F7: variants seen among roughly 807,000 people sequenced by gnomAD.
The protein encoded by F7 is coagulation factor VII, also known as FVII coagulation protein.
F7 carries 38 observed loss-of-function variants against 47.5 expected under a neutral mutation model. That is an observed-to-expected ratio of 0.80 (90% confidence interval 0.62 to 1.05). The LOEUF (loss-of-function observed/expected upper bound fraction) is 1.05, where lower values mean the gene tolerates loss of function less well. Ranked by LOEUF, F7 falls within the 50% of genes least tolerant of loss-of-function variation. The pLI is 0.00. For missense variants in F7, 575 were observed against 605.4 expected (o/e 0.95, Z 0.53); for synonymous variants, 244 against 258.5 (o/e 0.94, Z 0.54).
intron 1 of F7, among the ~76,000 whole-genome samples, chr13:113,109,480 C>T (rs1343511857): frequency 6.6e-6 from 1 of 152,176 alleles, no homozygotes; most frequent in African/African-American, 2.4e-5. Flanking sequence ...AGGCAGTGGC[C>T]TTTCTCTCGG....
Position 113,119,717 on chromosome 13 carries a change from ACAC to A in F7, c.*712_*714del, listed in dbSNP as rs2142237461. On this transcript the variant is annotated 3_prime_UTR_variant, in exon 8 of 8. Coordinates refer to ENST00000346342, the MANE Select transcript of F7 (RefSeq NM_019616.4). ...TGCACACACATGGATGAGCACACACACACCAATGCGCACACACACCGATGTACA... is the reference window on the plus strand; with the variant it reads ...TGCACACACATGGATGAGCACACACACAATGCGCACACACACCGATGTACA... 6.5e-6 allele frequency: 1 copy of A among 153,542 alleles called. No homozygotes were observed. The highest frequency in any genetic ancestry group is 2.4e-5 in the African/African-American group (1 of 41,492). 9.5% of individuals were successfully genotyped at this position (153,542 alleles called of 1,614,324 possible). A position where few individuals can be genotyped will look rare whatever the true frequency, so the allele number is the denominator to read the frequency against.
rs771676411 is a variant in F7, at chr13:113,110,805, C to T, written c.180C>T (p.Cys60=). 33 of 1,557,710 alleles carry T rather than the reference C, an allele frequency of 2.1e-5. No homozygotes were observed. Among genetic ancestry groups the T allele is most frequent in the South Asian group, 9.5e-5 (8 of 84,488 alleles). ...SLERECKEEQ[C]SFEEAREIFK... ...AGAGGGAGTGCAAGGAGGAGCAGTGCTCCTTCGAGGAGGCCCGGGAGATCT... is the reference window on the plus strand; with the variant it reads ...AGAGGGAGTGCAAGGAGGAGCAGTGTTCCTTCGAGGAGGCCCGGGAGATCT... Residue 60 remains cysteine, a synonymous_variant, in exon 2 of 8, where the codon TGC becomes TGT. Coordinates refer to ENST00000346342, the MANE Select transcript of F7 (RefSeq NM_019616.4).
chr13:113,106,581 A>G (rs56212959), intron 1 of F7, among the ~76,000 whole-genome samples: 1 of 108 alleles, frequency 9.3e-3, no homozygotes, highest in Admixed American at 0.071. Flanking sequence ...GGTGTGGGGG[A>G]TGGGGCATGG....
chr13:113,114,050 C>G, intron 4 of F7, 90 bp downstream of exon 4: 1 of 1,410,062 alleles, frequency 7.1e-7, no homozygotes, highest in Non-Finnish European at 9.9e-7. Flanking sequence ...GGTGCACAAC[C>G]TGGTGGGGTG....
chr13:113,118,321 C>A, intron 7 of F7, 92 bp from the exon 8 acceptor site: 1 of 1,385,012 alleles, frequency 7.2e-7, no homozygotes. Context: ...GCAGCCCCTG[C>A]AGACCTAGAA....
rs779198014 is a variant in F7, at chr13:113,118,437, A to G, written c.764A>G (p.Asp255Gly). 6.9e-6 allele frequency: 11 copies of G among 1,602,792 alleles called. No homozygotes were observed. The highest frequency in any genetic ancestry group is 1.7e-4 in the Middle Eastern group (1 of 6,046). The part of the protein sequence containing the change: ...VLGEHDLSEH[D>G]GDEQSRRVAQ... ...GGCGAGCACGACCTCAGCGAGCACG[A>G]CGGGGATGAGCAGAGCCGGCGGGTG... is the stretch of plus-strand genomic sequence containing the variant. Residue 255 changes from aspartate to glycine, a missense_variant, in exon 8 of 8, where the codon GAC (aspartate) becomes GGC (glycine). Physicochemically the swap from Asp to Gly is moderately conservative, Grantham distance 94 (BLOSUM62 -1). Transcript: ENST00000346342.
At chr13:113,110,586 A>T (rs2036071615) in intron 1 of F7, 104 bp from the exon 2 acceptor site, 1 of 1,477,880 alleles carries the variant, frequency 6.8e-7, no homozygotes, top group African/African-American at 1.4e-5. Flanking sequence ...CTCCTCCAGG[A>T]CGGGCGGGAA....
intron 1 of F7, 34 bp downstream of exon 1, chr13:113,105,939 T>A: frequency 6.4e-7 from 1 of 1,554,882 alleles, no homozygotes; most frequent in Non-Finnish European, 8.7e-7. Flanking sequence ...ATAAACTTGG[T>A]GGAAGGGCAG....
At chr13:113,112,372 C>T in intron 2 of F7, among the ~76,000 whole-genome samples, 1 of 149,346 alleles carries the variant, frequency 6.7e-6, no homozygotes, top group African/African-American at 2.5e-5. Flanking sequence ...TCACAGGACA[C>T]CTCACACAGG....
At position 113,110,721 on chromosome 13, in the gene F7, C is replaced by T. The variant is rs1198864847; in HGVS notation, c.96C>T (p.Val32=). The T allele has an allele frequency of 6.5e-7, 1 of 1,548,666 alleles. No homozygotes were observed. The highest frequency in any genetic ancestry group is 1.4e-5 in the African/African-American group (1 of 72,992). ...VFVTQEEAHG[V]LHRRRRANAF... Reference sequence around the variant, plus strand: ...TAACCCAGGAGGAAGCCCACGGCGTCCTGCACCGGCGCCGGCGCGCCAACG... The same window carrying T: ...TAACCCAGGAGGAAGCCCACGGCGTTCTGCACCGGCGCCGGCGCGCCAACG... The change falls in exon 2 of 8, where the codon GTC becomes GTT. Residue 32 remains valine, a synonymous_variant. Transcript: ENST00000346342.
intron 6 of F7, 51 bp downstream of exon 6, chr13:113,116,926 T>C: frequency 7.0e-7 from 1 of 1,429,928 alleles, no homozygotes; most frequent in Non-Finnish European, 9.9e-7. Flanking sequence ...TCTTGAAGCC[T>C]TTTGAATGTG....
chr13:113,120,237 A>G lies in F7; in HGVS notation c.*1229A>G, dbSNP rs948792683. On this transcript the variant is annotated 3_prime_UTR_variant, in exon 8 of 8. Transcript: ENST00000346342. Reference sequence around the variant, plus strand: ...TCTCTCCCTGCCACAGCCCTTGTCAATGATATTTCACAGAGACCCTGGGAG... The same window carrying G: ...TCTCTCCCTGCCACAGCCCTTGTCAGTGATATTTCACAGAGACCCTGGGAG... 3.3e-5 allele frequency: 5 copies of G among 152,216 alleles called. No individual in the cohort carries two copies. Among genetic ancestry groups the G allele is most frequent in the Admixed American group, 1.3e-4 (2 of 15,280 alleles). 9.4% of individuals were successfully genotyped at this position (152,216 alleles called of 1,614,324 possible).
chr13:113,114,069 G>A (rs955298200), intron 4 of F7, 109 bp downstream of exon 4: 91 of 1,116,128 alleles, frequency 8.2e-5, no homozygotes, highest in Middle Eastern at 2.8e-4. Flanking sequence ...TGTGTAGGCC[G>A]GGCATTCAGG....
At chr13:113,115,850 C>T in intron 5 of F7, 50 bp downstream of exon 5, 1 of 1,611,122 alleles carries the variant, frequency 6.2e-7, no homozygotes, top group African/African-American at 1.3e-5. Flanking sequence ...CCCTGTCCCA[C>T]TACGGATTAT....
At position 113,117,544 on chromosome 13, in the gene F7, G is replaced by A. The variant is rs374575808; in HGVS notation, c.687G>A (p.Ala229=). 32 of 1,614,024 alleles carry A rather than the reference G, an allele frequency of 2.0e-5. No homozygotes were observed. Among genetic ancestry groups the A allele is most frequent in the Admixed American group, 3.3e-5 (2 of 60,004 alleles). The stretch of plus-strand genomic sequence containing the variant: ...TCAACACCATCTGGGTGGTCTCCGC[G>A]GCCCACTGTTTCGACAAAATCAAGA... ...TLINTIWVVS[A]AHCFDKIKNW... Residue 229 remains alanine, a synonymous_variant, in exon 7 of 8, where the codon GCG becomes GCA. Transcript: ENST00000346342.
rs1566906827 is a variant in F7 at position 113,110,851 on chromosome 13, G to A, written c.225+1G>A. 4 of 1,558,366 alleles carry A rather than the reference G, an allele frequency of 2.6e-6. No individual in the cohort carries two copies. The highest frequency in any genetic ancestry group is 2.6e-6 in the Non-Finnish European group (3 of 1,151,878). Reference sequence around the variant, plus strand: ...GATCTTCAAGGACGCGGAGAGGACGGTGAGCCCAGCCTCGGGGCGCCCCGC... The same window carrying A: ...GATCTTCAAGGACGCGGAGAGGACGATGAGCCCAGCCTCGGGGCGCCCCGC... On this transcript the variant is annotated splice_donor_variant, in intron 2 of 7. Coordinates refer to ENST00000346342, the MANE Select transcript of F7 (RefSeq NM_019616.4). LOFTEE classifies it high-confidence loss of function.
intron 1 of F7, 89 bp downstream of exon 1, chr13:113,105,994 T>C: frequency 8.5e-7 from 1 of 1,173,290 alleles, no homozygotes; most frequent in Non-Finnish European, 1.2e-6. Context: ...ACCCCGCCCT[T>C]GCTCCGGACA....
Position 113,107,259 on chromosome 13 carries a change from TGTGGGTGTCCCGGGGGC to T in F7, c.64+1366_64+1382del, listed in dbSNP as rs1463308889. Among the ~76,000 whole-genome samples, 145 of 62,196 alleles carry T rather than the reference TGTGGGTGTCCCGGGGGC, an allele frequency of 2.3e-3. 1 individual carries two copies. Among genetic ancestry groups the T allele is most frequent in the African/African-American group, 7.5e-3 (138 of 18,410 alleles). The allele number at this position is 62,196 out of a possible 152,430, so 40.8% of individuals were successfully genotyped here. On this transcript the variant is annotated intron_variant, in intron 1 of 7. Coordinates refer to ENST00000346342, the MANE Select transcript of F7 (RefSeq NM_019616.4). The stretch of plus-strand genomic sequence containing the variant: ...TCCAAGGGTGTGGGTGTCCCGGGAG[TGTGGGTGTCCCGGGGGC>T]GTGGGTGTCCCAGGAGTGTGGGTGT...
intron 5 of F7, among the ~76,000 whole-genome samples, 180 bp downstream of exon 5, chr13:113,115,980 T>G (rs1672219584): frequency 6.6e-6 from 1 of 152,208 alleles, no homozygotes; most frequent in South Asian, 2.1e-4. Context: ...CGACAGTGAC[T>G]AGGATGGGCA....
Sources: allele counts gnomAD v4.1 joint callset (sites outside exome capture counted in the v4.1 genomes callset), GRCh38; gene constraint gnomAD v4.1.1; transcripts MANE v1.5; gene names NCBI Gene and HGNC (gene_info 2026-07-23, HGNC 2026-07-21).